CTNNA3: variants seen among roughly 807,000 people sequenced by gnomAD.
CTNNA3 encodes the protein catenin alpha-3.
Under a neutral mutation model 95.7 loss-of-function variants are expected in CTNNA3, and 76 were observed. The observed-to-expected ratio is 0.79, with a 90% CI of 0.66 to 0.96. The LOEUF is 0.96. Among genes scored for constraint, CTNNA3 ranks in the 40% least tolerant of loss-of-function variants. The probability of loss-of-function intolerance (pLI) is 0.00; values close to 1 mark genes in which losing one functional copy is unlikely to be tolerated. For missense variants in CTNNA3, 1,191 were observed against 1,089.8 expected, an observed-to-expected ratio of 1.09 and a Z score of -1.31; for synonymous variants, 431 against 374.4, an observed-to-expected ratio of 1.15 and a Z score of -1.74.
intron 10 of CTNNA3, among the ~76,000 whole-genome samples, chr10:66,572,140 T>A (rs1225456944): frequency 6.6e-6 from 1 of 152,062 alleles, no homozygotes; most frequent in African/African-American, 2.4e-5. Context: ...CTCAGCACTA[T>A]GAGGGGTTGG....
chr10:66,274,897 T>C (rs960271143), intron 13 of CTNNA3, among the ~76,000 whole-genome samples: 1 of 152,158 alleles, frequency 6.6e-6, no homozygotes, highest in Non-Finnish European at 1.5e-5. Context: ...ATTTAGGTGT[T>C]TTTAATTTTT....
intron 3 of CTNNA3, among the ~76,000 whole-genome samples, chr10:67,579,296 A>G (rs1271177972): frequency 1.4e-5 from 2 of 145,212 alleles, no homozygotes; most frequent in Non-Finnish European, 3.0e-5. Flanking sequence ...GAGTGAGAAC[A>G]TGCGGTCTTT....
intron 5 of CTNNA3, among the ~76,000 whole-genome samples, chr10:67,411,808 C>T (rs568222153): frequency 6.6e-6 from 1 of 152,158 alleles, no homozygotes; most frequent in African/African-American, 2.4e-5. Context: ...AAACTTAGAG[C>T]TCCATATCTG....
At chr10:67,179,147 C>A (rs1020615106) in intron 7 of CTNNA3, among the ~76,000 whole-genome samples, 1 of 151,930 alleles carries the variant, frequency 6.6e-6, no homozygotes, top group Admixed American at 6.6e-5. Context: ...AAAAGTCATA[C>A]CCTTTGTAAC....
At chr10:66,435,311 G>T (rs1028466612) in intron 11 of CTNNA3, among the ~76,000 whole-genome samples, 2 of 152,026 alleles carry the variant, frequency 1.3e-5, no homozygotes, top group African/African-American at 2.4e-5. Context: ...ATTAATTACT[G>T]CCTCAATTTC....
intron 7 of CTNNA3, among the ~76,000 whole-genome samples, chr10:67,037,635 G>C (rs979743926): frequency 6.6e-6 from 1 of 152,120 alleles, no homozygotes. Flanking sequence ...CCTGAACTAA[G>C]ACACTAACAG....
At chr10:66,402,478 T>C (rs2093028392) in intron 11 of CTNNA3, among the ~76,000 whole-genome samples, 1 of 152,214 alleles carries the variant, frequency 6.6e-6, no homozygotes, top group Non-Finnish European at 1.5e-5. Context: ...CTTACATTTT[T>C]ATTTCATTAA....
At chr10:65,982,925 A>G (rs2078354653) in intron 16 of CTNNA3, among the ~76,000 whole-genome samples, 1 of 151,548 alleles carries the variant, frequency 6.6e-6, no homozygotes, top group African/African-American at 2.4e-5. Flanking sequence ...GTATAGTTTC[A>G]TTGAAATAAT....
intron 3 of CTNNA3, among the ~76,000 whole-genome samples, chr10:67,598,849 A>G (rs953909127): frequency 6.6e-6 from 1 of 152,160 alleles, no homozygotes; most frequent in African/African-American, 2.4e-5. Flanking sequence ...AAAATCTCAT[A>G]AAAGAGAAAA....
chr10:66,336,833 G>C (rs1457206940), intron 12 of CTNNA3, among the ~76,000 whole-genome samples: 1 of 151,974 alleles, frequency 6.6e-6, no homozygotes. Context: ...AGGGCCTCCA[G>C]GGGGGCCTTG....
intron 7 of CTNNA3, among the ~76,000 whole-genome samples, chr10:67,124,457 A>C (rs898211737): frequency 3.3e-5 from 5 of 152,000 alleles, no homozygotes; most frequent in African/African-American, 1.2e-4. Flanking sequence ...ATATTACAAA[A>C]AATCAATTTC....
At chr10:66,027,746 G>A (rs2079370605) in intron 15 of CTNNA3, among the ~76,000 whole-genome samples, 1 of 152,142 alleles carries the variant, frequency 6.6e-6, no homozygotes, top group Non-Finnish European at 1.5e-5. Flanking sequence ...TAGCAAAAAT[G>A]AGGCTAATAT....
chr10:65,932,315 A>C (rs1056907346), intron 17 of CTNNA3, among the ~76,000 whole-genome samples: 3 of 152,338 alleles, frequency 2.0e-5, no homozygotes, highest in East Asian at 3.9e-4. Flanking sequence ...GGTTTTGAAA[A>C]CAACAATAAC....
intron 13 of CTNNA3, among the ~76,000 whole-genome samples, chr10:66,167,113 T>A (rs2085171480): frequency 6.6e-6 from 1 of 152,110 alleles, no homozygotes. Flanking sequence ...TAGTCACATA[T>A]GCCTCTCAGA....
At chr10:66,409,540 G>C (rs1382450938) in intron 11 of CTNNA3, among the ~76,000 whole-genome samples, 1 of 152,130 alleles carries the variant, frequency 6.6e-6, no homozygotes, top group African/African-American at 2.4e-5. Context: ...GGTGCAGTAT[G>C]ATGAATATGA....
At chr10:67,671,171 C>T (rs1354405787) in intron 1 of CTNNA3, among the ~76,000 whole-genome samples, 4 of 152,082 alleles carry the variant, frequency 2.6e-5, no homozygotes, top group South Asian at 2.1e-4. Context: ...GCCAATGAGA[C>T]GGTAAAGCTT....
intron 7 of CTNNA3, among the ~76,000 whole-genome samples, chr10:67,061,149 G>A (rs1043590342): frequency 2.0e-5 from 3 of 152,120 alleles, no homozygotes; most frequent in Admixed American, 1.3e-4. Flanking sequence ...AAATAACAGA[G>A]CTTTGAGAGA....
intron 7 of CTNNA3, among the ~76,000 whole-genome samples, chr10:66,854,851 T>C (rs373127949): frequency 2.9e-4 from 44 of 151,744 alleles, no homozygotes; most frequent in African/African-American, 1.0e-3. Context: ...GAAGGAAGCA[T>C]TGGACTCAGA....
chr10:66,174,606 G>T (rs1455880270), intron 13 of CTNNA3, among the ~76,000 whole-genome samples: 1 of 151,626 alleles, frequency 6.6e-6, no homozygotes, highest in East Asian at 1.9e-4. Flanking sequence ...AACCAAACAG[G>T]GATCGAAAAT....
Sources: allele counts gnomAD v4.1 joint callset (sites outside exome capture counted in the v4.1 genomes callset), GRCh38; gene constraint gnomAD v4.1.1; transcripts MANE v1.5; gene names NCBI Gene and HGNC (gene_info 2026-07-23, HGNC 2026-07-21).